COL27A1: variants seen among roughly 807,000 people sequenced by gnomAD.
COL27A1 encodes the protein collagen type XXVII alpha 1 chain.
In COL27A1, 106 loss-of-function variants were observed where a neutral mutation model predicts 251.3. The observed-to-expected ratio is 0.42, with a 90% CI of 0.36 to 0.50. The LOEUF is 0.50. Ranked by LOEUF, COL27A1 falls within the 20% of genes least tolerant of loss-of-function variation. The probability of loss-of-function intolerance (pLI) is 0.00; values close to 1 mark genes in which losing one functional copy is unlikely to be tolerated. For synonymous variants in COL27A1, 1,000 were observed against 986.3 expected, an observed-to-expected ratio of 1.01 and a Z score of -0.26; for missense variants, 2,325 against 2,522.8, an observed-to-expected ratio of 0.92 and a Z score of 1.68.
At chr9:114,209,187 C>T (rs1020202398) in intron 10 of COL27A1, among the ~76,000 whole-genome samples, 1 of 152,172 alleles carries the variant, frequency 6.6e-6, no homozygotes, top group African/African-American at 2.4e-5. Flanking sequence ...AATGTTGGCA[C>T]TCCGGGTTCG....
At chr9:114,267,361 G>C in intron 33 of COL27A1, 143 bp from the exon 34 acceptor site, 1 of 626,718 alleles carries the variant, frequency 1.6e-6, no homozygotes, top group Non-Finnish European at 2.6e-6. Context: ...GCTCCAAGAA[G>C]CTACAAGCTG....
intron 10 of COL27A1, among the ~76,000 whole-genome samples, chr9:114,206,820 C>CAGG (rs1452000954): frequency 2.0e-5 from 3 of 152,216 alleles, no homozygotes; most frequent in African/African-American, 7.2e-5. Context: ...TTGCCTACCT[C>CAGG]TACAATGGTC....
chr9:114,212,120 A>G (rs1314444429), intron 12 of COL27A1, among the ~76,000 whole-genome samples: 2 of 152,252 alleles, frequency 1.3e-5, no homozygotes, highest in Non-Finnish European at 2.9e-5. Context: ...CAAAGAGCTG[A>G]CAGAGGAGGT....
At chr9:114,309,574 C>T (rs1051937066) in intron 60 of COL27A1, 96 bp downstream of exon 60, 2 of 846,572 alleles carry the variant, frequency 2.4e-6, no homozygotes, top group Non-Finnish European at 3.7e-6. Flanking sequence ...TTATATCTAA[C>T]ATTTTAATAG....
At chr9:114,285,054 G>A (rs1039385025) in intron 41 of COL27A1, among the ~76,000 whole-genome samples, 1 of 152,262 alleles carries the variant, frequency 6.6e-6, no homozygotes, top group Admixed American at 6.5e-5. Context: ...TAGTCAAGAA[G>A]CAGAAATGGA....
At chr9:114,243,924 C>CTT (rs1564515708) in intron 23 of COL27A1, among the ~76,000 whole-genome samples, 14 of 138,070 alleles carry the variant, frequency 1.0e-4, no homozygotes, top group African/African-American at 3.3e-4. Context: ...TTTTTTCTTT[C>CTT]ATTTTTTTTT....
At chr9:114,261,054 G>A (rs1342260394) in intron 28 of COL27A1, among the ~76,000 whole-genome samples, 1 of 152,202 alleles carries the variant, frequency 6.6e-6, no homozygotes, top group African/African-American at 2.4e-5. Flanking sequence ...TCCGTAAAAC[G>A]GGTTGGCAAC....
intron 10 of COL27A1, 142 bp from the exon 11 acceptor site, chr9:114,209,533 G>T (rs766058697): frequency 1.2e-6 from 1 of 808,598 alleles, no homozygotes; most frequent in Non-Finnish European, 2.3e-6. Context: ...TGTCATCGAG[G>T]AGCCACCGGA....
In COL27A1 at chr9:114,245,871, A is replaced by G. The variant is rs766736570; in HGVS notation, c.2940A>G (p.Glu980=). 3 of 1,613,272 alleles carry G rather than the reference A, an allele frequency of 1.9e-6. No individual in the cohort carries two copies. Among genetic ancestry groups the G allele is most frequent in the Non-Finnish European group, 1.7e-6 (2 of 1,179,646 alleles). Residue 980 remains glutamate, a synonymous_variant, in exon 24 of 61, where the codon GAA becomes GAG. Transcript: ENST00000356083. The part of the protein sequence containing the change: ...GRPGLDGVKG[E]PGDPGRPGPV... ...TCCTCTTTGTCTCTTTGCAGGGGGAACCAGGGGATCCTGGTCGGCCGGGGC... is the reference window on the plus strand; with the variant it reads ...TCCTCTTTGTCTCTTTGCAGGGGGAGCCAGGGGATCCTGGTCGGCCGGGGC...
At chr9:114,262,327 G>A (rs560850157) in intron 28 of COL27A1, among the ~76,000 whole-genome samples, 62 of 152,348 alleles carry the variant, frequency 4.1e-4, no homozygotes, top group African/African-American at 1.2e-3. Flanking sequence ...AACAGGCTAC[G>A]GCTAGCACCT....
At chr9:114,196,149 G>A (rs1829107817) in intron 7 of COL27A1, 137 bp downstream of exon 7, 2 of 761,694 alleles carry the variant, frequency 2.6e-6, no homozygotes, top group Non-Finnish European at 4.6e-6. Flanking sequence ...ACATGGGTGA[G>A]AGGTGAGAGA....
chr9:114,203,511 C>T (rs537362971), intron 7 of COL27A1, among the ~76,000 whole-genome samples: 1 of 152,256 alleles, frequency 6.6e-6, no homozygotes, highest in Admixed American at 6.5e-5. Flanking sequence ...AGGTTGTATG[C>T]CCCGGTTTGC....
intron 16 of COL27A1, 83 bp from the exon 17 acceptor site, chr9:114,235,516 G>A (rs944058367): frequency 7.7e-6 from 8 of 1,045,662 alleles, no homozygotes; most frequent in African/African-American, 4.7e-5. Context: ...CGGCACAGCT[G>A]TACCTCGCCA....
upstream of COL27A1, among the ~76,000 whole-genome samples, chr9:114,154,467 G>T (rs984270092): frequency 2.0e-5 from 3 of 152,020 alleles, no homozygotes; most frequent in East Asian, 5.8e-4. The surrounding 1 kb of genome is among the most constrained non-coding windows in gnomAD (Gnocchi z 5.8). Flanking sequence ...GGGTACACGC[G>T]TGAGGAGTGA....
At chr9:114,187,152 C>G (rs955630664) in intron 5 of COL27A1, among the ~76,000 whole-genome samples, 1 of 152,274 alleles carries the variant, frequency 6.6e-6, no homozygotes, top group Non-Finnish European at 1.5e-5. Context: ...TGAGCTTTAC[C>G]TTTCCTCTTC....
intron 25 of COL27A1, among the ~76,000 whole-genome samples, chr9:114,251,342 ACT>A (rs796110878): frequency 6.8e-4 from 103 of 151,134 alleles, no homozygotes; most frequent in African/African-American, 2.5e-3. Flanking sequence ...GCCCCGCCTA[ACT>A]CTCCAGGATC....
At chr9:114,253,662 C>G (rs1324093157) in intron 27 of COL27A1, among the ~76,000 whole-genome samples, 4 of 152,148 alleles carry the variant, frequency 2.6e-5, no homozygotes, top group African/African-American at 9.7e-5. Flanking sequence ...TGGGGCAGAT[C>G]ATTTAACTTC....
At position 114,290,467 on chromosome 9, in the gene COL27A1, G is replaced by T. The variant is rs537293032; in HGVS notation, c.4368+136G>T. ...ACCAACACATCCAGAAGTTCTCTGG[G>T]GTGGGCAACCATCTCCTCCCCTGGC... On this transcript the variant is annotated intron_variant, in intron 47 of 60. Coordinates refer to ENST00000356083, the MANE Select transcript of COL27A1 (RefSeq NM_032888.4). The surrounding 1 kb of genome is among the most constrained non-coding windows in gnomAD (Gnocchi z 4.6). 5 of 784,490 alleles carry T rather than the reference G, an allele frequency of 6.4e-6. No individual in the cohort carries two copies. The highest frequency in any genetic ancestry group is 2.1e-5 in the Admixed American group (1 of 48,298). 48.6% of individuals were successfully genotyped at this position (784,490 alleles called of 1,614,324 possible). A position where few individuals can be genotyped will look rare whatever the true frequency, so the allele number is the denominator to read the frequency against.
chr9:114,290,528 G>T lies in COL27A1; in HGVS notation c.4368+197G>T, dbSNP rs1189779346. Among the ~76,000 whole-genome samples, 1 of 152,096 alleles carries T rather than the reference G, an allele frequency of 6.6e-6. No individual in the cohort carries two copies. The highest frequency in any genetic ancestry group is 1.5e-5 in the Non-Finnish European group (1 of 68,010). ...GTGGACCTTCTGACTGTCTCTCCTG[G>T]ATGCCAGCACCCAGAAAGACCTTCC... On this transcript the variant is annotated intron_variant, in intron 47 of 60. Transcript: ENST00000356083. The surrounding 1 kb of genome is among the most constrained non-coding windows in gnomAD (Gnocchi z 4.6).
Sources: allele counts gnomAD v4.1 joint callset (sites outside exome capture counted in the v4.1 genomes callset), GRCh38; gene constraint gnomAD v4.1.1; non-coding constraint Gnocchi (gnomAD v3.1); transcripts MANE v1.5; gene names NCBI Gene and HGNC (gene_info 2026-07-23, HGNC 2026-07-21).